KIF16B: variants seen among roughly 807,000 people sequenced by gnomAD.
The protein encoded by KIF16B is kinesin-like protein KIF16B.
Under a neutral mutation model 156.3 loss-of-function variants are expected in KIF16B, and 98 were observed. That is an observed-to-expected ratio of 0.63 (90% CI 0.53 to 0.74). The LOEUF (loss-of-function observed/expected upper bound fraction) is 0.74, where lower values mean the gene tolerates loss of function less well. KIF16B is among the 30% of genes least tolerant of loss of function. The pLI, the probability that KIF16B is intolerant of heterozygous loss-of-function variation, is 0.00. For missense variants in KIF16B, 1,421 were observed against 1,606.5 expected, an observed-to-expected ratio of 0.88 and a Z score of 1.97; for synonymous variants, 564 against 583.7, an observed-to-expected ratio of 0.97 and a Z score of 0.49.
chr20:16,446,799 G>C (rs2066943103), intron 12 of KIF16B, among the ~76,000 whole-genome samples: 1 of 152,270 alleles, frequency 6.6e-6, no homozygotes, highest in South Asian at 2.1e-4. Context: ...ACATCAGTAG[G>C]CACGCTAGGT....
intron 12 of KIF16B, among the ~76,000 whole-genome samples, chr20:16,490,697 C>G (rs2068263469): frequency 6.6e-6 from 1 of 152,228 alleles, no homozygotes; most frequent in African/African-American, 2.4e-5. Context: ...AGAAGTTAAT[C>G]TGCCAGCACC....
chr20:16,307,026 C>T (rs1294289432), intron 25 of KIF16B, among the ~76,000 whole-genome samples: 3 of 152,256 alleles, frequency 2.0e-5, no homozygotes, highest in Middle Eastern at 3.4e-3. Context: ...ACATTTCTTT[C>T]GATCTATCTT....
At chr20:16,348,838 T>C (rs909823925) in intron 23 of KIF16B, among the ~76,000 whole-genome samples, 2 of 151,700 alleles carry the variant, frequency 1.3e-5, no homozygotes, top group Non-Finnish European at 2.9e-5. Context: ...ATGCCAAAGA[T>C]AGAATAATTT....
At chr20:16,316,405 A>C (rs2063698182) in intron 24 of KIF16B, among the ~76,000 whole-genome samples, 1 of 152,220 alleles carries the variant, frequency 6.6e-6, no homozygotes. Context: ...TTGGGATAGC[A>C]GGGCAGGTGG....
chr20:16,367,951 G>A, intron 22 of KIF16B: 1 of 1,443,730 alleles, frequency 6.9e-7, no homozygotes. Context: ...GAGAGGTAGA[G>A]CATGAAAAAT....
At chr20:16,370,744 CT>C in intron 21 of KIF16B, 108 bp from the exon 22 acceptor site, 1 of 796,960 alleles carries the variant, frequency 1.3e-6, no homozygotes, top group East Asian at 2.9e-5. Flanking sequence ...AATAAACATA[CT>C]TGTCATTCAA....
chr20:16,440,558 C>G (rs1308552466), intron 12 of KIF16B, among the ~76,000 whole-genome samples: 1 of 95,196 alleles, frequency 1.1e-5, no homozygotes, highest in Non-Finnish European at 2.3e-5. Flanking sequence ...CACACACACA[C>G]ACACACACAC....
intron 25 of KIF16B, among the ~76,000 whole-genome samples, chr20:16,293,729 CT>C (rs1359209473): frequency 6.6e-6 from 1 of 152,104 alleles, no homozygotes; most frequent in Non-Finnish European, 1.5e-5. Flanking sequence ...TGCAAGGAGG[CT>C]GTATTTATGA....
intron 1 of KIF16B, among the ~76,000 whole-genome samples, chr20:16,558,722 G>A (rs1456093981): frequency 6.6e-6 from 1 of 152,080 alleles, no homozygotes; most frequent in Non-Finnish European, 1.5e-5. Flanking sequence ...TGGCCAACAT[G>A]GCAAAACCCT....
At chr20:16,375,866 G>C (rs901925435) in intron 19 of KIF16B, among the ~76,000 whole-genome samples, 1 of 152,162 alleles carries the variant, frequency 6.6e-6, no homozygotes, top group Non-Finnish European at 1.5e-5. Context: ...GATTTATATG[G>C]ATGGCAAGGG....
chr20:16,413,315 T>C (rs536763954), intron 15 of KIF16B, among the ~76,000 whole-genome samples: 1 of 152,228 alleles, frequency 6.6e-6, no homozygotes, highest in African/African-American at 2.4e-5. Flanking sequence ...ATTGCTGGTT[T>C]CACATGAGAC....
At chr20:16,454,354 T>C (rs1157587518) in intron 12 of KIF16B, among the ~76,000 whole-genome samples, 4 of 148,912 alleles carry the variant, frequency 2.7e-5, no homozygotes, top group Non-Finnish European at 5.9e-5. Context: ...AAATTTTAAA[T>C]TATATATATT....
At chr20:16,380,561 A>G (rs955768983) in intron 18 of KIF16B, among the ~76,000 whole-genome samples, 2 of 152,252 alleles carry the variant, frequency 1.3e-5, no homozygotes, top group African/African-American at 4.8e-5. Context: ...ACAACATTAA[A>G]TAAAAATGCT....
At chr20:16,452,991 G>A (rs1210629277) in intron 12 of KIF16B, among the ~76,000 whole-genome samples, 1 of 151,430 alleles carries the variant, frequency 6.6e-6, no homozygotes, top group African/African-American at 2.4e-5. Context: ...TTTAGAAAAA[G>A]ATAAAACTGA....
At chr20:16,293,070 G>C (rs1466517109) in intron 25 of KIF16B, among the ~76,000 whole-genome samples, 7 of 151,998 alleles carry the variant, frequency 4.6e-5, no homozygotes, top group African/African-American at 1.7e-4. Context: ...ACCAGACCAC[G>C]AGGTTCAACA....
chr20:16,325,483 T>G (rs535821986), intron 24 of KIF16B, among the ~76,000 whole-genome samples: 1 of 151,258 alleles, frequency 6.6e-6, no homozygotes, highest in South Asian at 2.1e-4. Flanking sequence ...TGTATACAAA[T>G]CACTAGTGCT....
At chr20:16,433,071 T>C (rs1449973099) in intron 12 of KIF16B, among the ~76,000 whole-genome samples, 7 of 152,210 alleles carry the variant, frequency 4.6e-5, no homozygotes, top group Non-Finnish European at 7.3e-5. Flanking sequence ...GCAGAATTCA[T>C]GTTTTTTCCT....
At chr20:16,439,256 C>T (rs1263339077) in intron 12 of KIF16B, among the ~76,000 whole-genome samples, 1 of 152,186 alleles carries the variant, frequency 6.6e-6, no homozygotes, top group Non-Finnish European at 1.5e-5. Context: ...CTGCCTGAAT[C>T]TCTGATATCC....
At chr20:16,363,462 T>C (rs145531656) in intron 22 of KIF16B, among the ~76,000 whole-genome samples, 219 of 152,320 alleles carry the variant, frequency 1.4e-3, no homozygotes, top group African/African-American at 5.0e-3. Context: ...CTTGACATAA[T>C]ACATCCATGG....
Sources: gnomAD v4.1 joint callset for allele counts (sites outside exome capture counted in the v4.1 genomes callset) on GRCh38, gnomAD v4.1.1 for gene constraint, MANE v1.5 for transcripts, NCBI Gene and HGNC (gene_info 2026-07-23, HGNC 2026-07-21) for gene names.